The following PCLO variants were observed in gnomAD, a reference collection of about 807,000 sequenced individuals.
PCLO encodes the protein piccolo presynaptic cytomatrix protein.
Under a neutral mutation model 427.5 loss-of-function variants are expected in PCLO, and 82 were observed. The observed-to-expected ratio is 0.19, with a 90% CI of 0.16 to 0.23. The LOEUF is 0.23. Among genes scored for constraint, PCLO ranks in the 10% least tolerant of loss-of-function variants. PCLO has a pLI of 1.00. For synonymous variants in PCLO, 2,357 were observed against 2,155.4 expected, an observed-to-expected ratio of 1.09 and a Z score of -2.59; for missense variants, 6,239 against 6,115.9, an observed-to-expected ratio of 1.02 and a Z score of -0.67.
intron 6 of PCLO, among the ~76,000 whole-genome samples, chr7:82,926,733 G>A (rs1794721314): frequency 6.6e-6 from 1 of 152,116 alleles, no homozygotes. Flanking sequence ...CAGTCTGTGT[G>A]ACACTTATTG....
At chr7:83,115,504 A>G (rs1441437953) in intron 3 of PCLO, among the ~76,000 whole-genome samples, 5 of 152,084 alleles carry the variant, frequency 3.3e-5, no homozygotes, top group African/African-American at 7.2e-5. Context: ...AAACCTTATT[A>G]TAGTATTTTA....
chr7:82,920,013 G>A (rs187652483), intron 6 of PCLO, among the ~76,000 whole-genome samples: 307 of 151,778 alleles, frequency 2.0e-3, no homozygotes, highest in Non-Finnish European at 3.7e-3. Context: ...CACTTAAGAG[G>A]ACAGACAGAA....
chr7:82,891,615 G>T (rs1163498523), intron 9 of PCLO, among the ~76,000 whole-genome samples: 5 of 152,006 alleles, frequency 3.3e-5, no homozygotes, highest in African/African-American at 1.2e-4. Flanking sequence ...TCTTCTGCCA[G>T]TTTTCAAAGG....
At chr7:83,108,826 C>G (rs16887410) in intron 3 of PCLO, among the ~76,000 whole-genome samples, 1 of 151,756 alleles carries the variant, frequency 6.6e-6, no homozygotes, top group Non-Finnish European at 1.5e-5. Context: ...AATATGAGCT[C>G]TTTCATTAAT....
intron 10 of PCLO, among the ~76,000 whole-genome samples, chr7:82,864,540 T>G (rs1010273536): frequency 1.1e-4 from 16 of 152,202 alleles, no homozygotes; most frequent in Admixed American, 3.9e-4. Context: ...GAAAGGTTTA[T>G]AATAATTAGA....
intron 9 of PCLO, among the ~76,000 whole-genome samples, chr7:82,880,728 A>T (rs1793486585): frequency 6.6e-6 from 1 of 152,206 alleles, no homozygotes; most frequent in Non-Finnish European, 1.5e-5. Flanking sequence ...AAATGTCAAC[A>T]GAGCCAAGGT....
Position 83,162,688 on chromosome 7 carries a change from C to A in PCLO, c.-96G>T. On this transcript the variant is annotated 5_prime_UTR_variant, in exon 1 of 25. It adds an upstream start codon to the 5' untranslated region. Coordinates refer to ENST00000333891, the MANE Select transcript of PCLO (RefSeq NM_033026.6). ...GGGAGCAGTCAGAGCCGGGGTCCGCCTCGGGGCGTGCAGGCAGCCGAGTCC... is the reference window on the plus strand; with the variant it reads ...GGGAGCAGTCAGAGCCGGGGTCCGCATCGGGGCGTGCAGGCAGCCGAGTCC... The A allele has an allele frequency of 7.0e-7, 1 of 1,423,514 alleles. No individual in the cohort carries two copies. Among genetic ancestry groups the A allele is most frequent in the East Asian group, 2.5e-5 (1 of 39,958 alleles). The allele number at this position is 1,423,514 out of a possible 1,614,324, so 88.2% of individuals were successfully genotyped here. A position where few individuals can be genotyped will look rare whatever the true frequency, so the allele number is the denominator to read the frequency against.
At chr7:83,067,563 C>T (rs1012767885) in intron 3 of PCLO, among the ~76,000 whole-genome samples, 4 of 152,164 alleles carry the variant, frequency 2.6e-5, no homozygotes, top group African/African-American at 7.2e-5. Flanking sequence ...TGAAGCCACA[C>T]TGAACACCCT....
intron 3 of PCLO, among the ~76,000 whole-genome samples, chr7:83,060,360 C>A (rs1384628307): frequency 2.0e-5 from 3 of 152,134 alleles, no homozygotes; most frequent in Non-Finnish European, 4.4e-5. Flanking sequence ...TAATTGCCAG[C>A]TGCTCTGCCA....
chr7:82,935,990 T>C (rs922494831), intron 6 of PCLO, among the ~76,000 whole-genome samples: 3 of 151,604 alleles, frequency 2.0e-5, no homozygotes, highest in Admixed American at 6.6e-5. Flanking sequence ...TCTCCTATAA[T>C]CTCCTATTCT....
intron 10 of PCLO, among the ~76,000 whole-genome samples, chr7:82,876,037 C>A (rs1165440383): frequency 1.3e-5 from 2 of 151,916 alleles, no homozygotes; most frequent in African/African-American, 4.8e-5. Context: ...CTATATAATT[C>A]TGTATTCAGA....
chr7:82,987,615 A>T (rs1796284373), intron 3 of PCLO, among the ~76,000 whole-genome samples: 1 of 152,078 alleles, frequency 6.6e-6, no homozygotes, highest in Non-Finnish European at 1.5e-5. Flanking sequence ...TATGTAGCCA[A>T]ACATACAGAT....
At chr7:82,851,635 T>A (rs1002576130) in intron 10 of PCLO, among the ~76,000 whole-genome samples, 3 of 152,102 alleles carry the variant, frequency 2.0e-5, no homozygotes, top group Non-Finnish European at 4.4e-5. Flanking sequence ...AAACCTAATT[T>A]AAAAATGTGT....
intron 22 of PCLO, among the ~76,000 whole-genome samples, chr7:82,773,516 C>A (rs938104121): frequency 6.6e-5 from 10 of 152,152 alleles, no homozygotes; most frequent in African/African-American, 2.4e-4. Context: ...TAAATGTGAT[C>A]CTCCTTGCAG....
At chr7:82,925,570 T>C (rs1794693336) in intron 6 of PCLO, among the ~76,000 whole-genome samples, 1 of 152,226 alleles carries the variant, frequency 6.6e-6, no homozygotes, top group African/African-American at 2.4e-5. Flanking sequence ...CAGCAGTCTA[T>C]CTTACACACA....
intron 14 of PCLO, among the ~76,000 whole-genome samples, chr7:82,840,245 G>GT (rs1354662310): frequency 1.3e-5 from 2 of 152,076 alleles, no homozygotes; most frequent in Non-Finnish European, 2.9e-5. Context: ...CGGATCTGGA[G>GT]TACAGAGGTC....
intron 22 of PCLO, among the ~76,000 whole-genome samples, chr7:82,785,882 C>T: frequency 6.6e-6 from 1 of 152,086 alleles, no homozygotes; most frequent in East Asian, 1.9e-4. Flanking sequence ...AAGGACATGT[C>T]AGGAGATAAA....
Position 82,955,071 on chromosome 7 carries a change from A to G in PCLO, c.5882T>C (p.Val1961Ala). 1 of 1,613,840 alleles carries G rather than the reference A, an allele frequency of 6.2e-7. No homozygotes were observed. Among genetic ancestry groups the G allele is most frequent in the Non-Finnish European group, 8.5e-7 (1 of 1,179,880 alleles). ...LIEDYIYESL[V>A]EDTYNGSVDG... is the part of the protein sequence containing the mutation. ...TACCGATCCATTGTACGTGTCTTCTACTAAAGATTCATAAATATAATCCTC... is the reference window on the plus strand; with the variant it reads ...TACCGATCCATTGTACGTGTCTTCTGCTAAAGATTCATAAATATAATCCTC... Residue 1961 changes from valine to alanine, a missense_variant, in exon 5 of 25, where the codon GTA becomes GCA. Val to Ala is a moderately conservative substitution (Grantham distance 64). Transcript: ENST00000333891.
At chr7:82,777,034 A>G (rs1183111425) in intron 22 of PCLO, among the ~76,000 whole-genome samples, 1 of 152,008 alleles carries the variant, frequency 6.6e-6, no homozygotes, top group African/African-American at 2.4e-5. Flanking sequence ...GTTGATGTTT[A>G]GTGCTATAAA....
Sources: allele counts gnomAD v4.1 joint callset (sites outside exome capture counted in the v4.1 genomes callset), GRCh38; gene constraint gnomAD v4.1.1; transcripts MANE v1.5; gene names NCBI Gene and HGNC (gene_info 2026-07-23, HGNC 2026-07-21).